The following IGFL2 variants were observed in gnomAD, a reference collection of about 807,000 sequenced individuals.
The protein encoded by IGFL2 is insulin growth factor-like family member 2.
A neutral mutation model predicts 13.9 loss-of-function variants in IGFL2; 7 were observed. The observed-to-expected ratio is 0.51, with a 90% CI of 0.29 to 0.95. The LOEUF is 0.95. IGFL2 is among the 40% of genes least tolerant of loss of function. The pLI is 0.08. For missense variants in IGFL2, 138 were observed against 147.8 expected, an observed-to-expected ratio of 0.93 and a Z score of 0.34; for synonymous variants, 55 against 55.8, an observed-to-expected ratio of 0.99 and a Z score of 0.07.
chr19:46,186,315 G>A, the IGFL2 span, among the ~76,000 whole-genome samples: 1 of 152,218 alleles, frequency 6.6e-6, no homozygotes, highest in African/African-American at 2.4e-5. Flanking sequence ...CTTGTCGGGC[G>A]CCACCTGGCA....
chr19:46,079,617 C>G, the IGFL2 span, among the ~76,000 whole-genome samples: 2 of 152,184 alleles, frequency 1.3e-5, no homozygotes, highest in African/African-American at 2.4e-5. Context: ...GTCGCCTGTA[C>G]CTGAATGGCA....
the IGFL2 span, among the ~76,000 whole-genome samples, chr19:46,200,477 T>TTCTTTTCTTC: frequency 7.3e-6 from 1 of 136,250 alleles, no homozygotes; most frequent in African/African-American, 2.9e-5. Flanking sequence ...CCTGGCCCTT[T>TTCTTTTCTTC]TCTTTTCTTT....
chr19:46,199,004 G>A, the IGFL2 span, among the ~76,000 whole-genome samples: 1 of 152,198 alleles, frequency 6.6e-6, no homozygotes, highest in Non-Finnish European at 1.5e-5. Flanking sequence ...CACATTCCAG[G>A]AGCCCAGCTC....
At chr19:46,212,222 T>C in the IGFL2 span, 2 of 152,196 alleles carry the variant, frequency 1.3e-5, no homozygotes, top group African/African-American at 4.8e-5. Context: ...GGTCTGCTCT[T>C]CCCCTGGGGA....
the IGFL2 span, among the ~76,000 whole-genome samples, chr19:46,081,958 CAA>C: frequency 6.6e-6 from 1 of 152,176 alleles, no homozygotes; most frequent in African/African-American, 2.4e-5. Flanking sequence ...TTGTTAATGT[CAA>C]GAGAGCTAGT....
At chr19:46,137,262 T>C in the IGFL2 span, 2 of 1,324,116 alleles carry the variant, frequency 1.5e-6, no homozygotes, top group Admixed American at 3.4e-5. Context: ...TTGCCATCCT[T>C]TCTCAGCATG....
the IGFL2 span, among the ~76,000 whole-genome samples, chr19:46,167,373 C>T: frequency 6.6e-6 from 1 of 152,176 alleles, no homozygotes; most frequent in Non-Finnish European, 1.5e-5. Flanking sequence ...GCAGATCAGC[C>T]AGGGTCGGAG....
chr19:46,129,831 A>C, the IGFL2 span, among the ~76,000 whole-genome samples: 9 of 152,208 alleles, frequency 5.9e-5, no homozygotes, highest in Middle Eastern at 6.8e-3. Flanking sequence ...AAGAATGTAT[A>C]TTCTATTGCT....
At chr19:46,148,852 C>T (rs1973284816) in intron 1 of IGFL2, 2 of 1,504,672 alleles carry the variant, frequency 1.3e-6, no homozygotes, top group Non-Finnish European at 1.8e-6. Flanking sequence ...TGCCAGTTGA[C>T]ACTCAGGAGT....
the IGFL2 span, chr19:46,208,911 C>T: frequency 6.6e-6 from 1 of 152,190 alleles, no homozygotes; most frequent in Non-Finnish European, 1.5e-5. Flanking sequence ...GACTAATACA[C>T]ATTTCTACTG....
the IGFL2 span, among the ~76,000 whole-genome samples, chr19:46,183,174 G>A: frequency 0.019 from 2,884 of 152,196 alleles, 71 homozygotes; most frequent in Non-Finnish European, 0.025. Context: ...AGAGCAAGAC[G>A]GGGGACGTGC....
chr19:46,097,952 T>C, the IGFL2 span, among the ~76,000 whole-genome samples: 1 of 152,234 alleles, frequency 6.6e-6, no homozygotes, highest in Non-Finnish European at 1.5e-5. Flanking sequence ...GTAAGTGCCA[T>C]GTGGCACTGA....
At chr19:46,131,832 G>C in the IGFL2 span, among the ~76,000 whole-genome samples, 1 of 152,198 alleles carries the variant, frequency 6.6e-6, no homozygotes, top group East Asian at 1.9e-4. Flanking sequence ...TCAGCTACTC[G>C]GGAGGCTGAA....
Position 46,160,655 on chromosome 19 carries a change from A to G in IGFL2, c.115A>G (p.Arg39Gly), listed in dbSNP as rs769734750. ...SEPWLCQPAP[R>G]CGDKIYNPLE... Reference sequence around the variant, plus strand: ...ACCATGGCTGTGCCAGCCGGCACCCAGGTGTGGAGACAAGATCTACAACCC... The same window carrying G: ...ACCATGGCTGTGCCAGCCGGCACCCGGGTGTGGAGACAAGATCTACAACCC... Residue 39 changes from arginine to glycine, a missense_variant, in exon 3 of 4, where the codon AGG becomes GGG. Arg to Gly is a moderately radical substitution (Grantham distance 125, BLOSUM62 -2). Coordinates refer to ENST00000377693, the MANE Select transcript of IGFL2 (RefSeq NM_001135113.2). The G allele has an allele frequency of 5.6e-6, 9 of 1,614,030 alleles. No individual in the cohort carries two copies. In the African/African-American group the frequency reaches 1.2e-4, roughly 22 times the overall value.
At chr19:46,132,615 A>C in the IGFL2 span, among the ~76,000 whole-genome samples, 1 of 151,664 alleles carries the variant, frequency 6.6e-6, no homozygotes, top group East Asian at 1.9e-4. Flanking sequence ...GGCCAGTATG[A>C]CAGAGAAGGG....
chr19:46,168,687 A>G, the IGFL2 span, among the ~76,000 whole-genome samples: 55 of 152,184 alleles, frequency 3.6e-4, no homozygotes, highest in Non-Finnish European at 6.6e-4. Flanking sequence ...GCCTTTAAAC[A>G]TCCACTTGTA....
the IGFL2 span, among the ~76,000 whole-genome samples, chr19:46,100,679 A>G: frequency 3.9e-5 from 6 of 152,150 alleles, no homozygotes; most frequent in Non-Finnish European, 7.4e-5. Context: ...TTGTGGGCAA[A>G]TATGGGGGAG....
At chr19:46,097,489 A>G in the IGFL2 span, among the ~76,000 whole-genome samples, 9 of 150,262 alleles carry the variant, frequency 6.0e-5, no homozygotes, top group African/African-American at 2.2e-4. Flanking sequence ...TTTTTTGGAG[A>G]GTTTTTTGTG....
chr19:46,114,787 C>G, the IGFL2 span, among the ~76,000 whole-genome samples: 1 of 152,194 alleles, frequency 6.6e-6, no homozygotes, highest in Non-Finnish European at 1.5e-5. Context: ...GCCAATTAAA[C>G]CACTTTTCTT....
Sources: allele counts gnomAD v4.1 joint callset (sites outside exome capture counted in the v4.1 genomes callset), GRCh38; gene constraint gnomAD v4.1.1; transcripts MANE v1.5; gene names NCBI Gene and HGNC (gene_info 2026-07-23, HGNC 2026-07-21).